The following SKAP1 variants were observed in gnomAD, a reference collection of about 807,000 sequenced individuals.
The protein encoded by SKAP1 is src kinase associated phosphoprotein 1.
SKAP1 carries 44 observed loss-of-function variants against 58.5 expected under a neutral mutation model. That is an observed-to-expected ratio of 0.75 (90% confidence interval 0.59 to 0.97). The LOEUF is 0.97. SKAP1 is among the 50% of genes least tolerant of loss of function. SKAP1 has a pLI of 0.00. For missense variants in SKAP1, 390 were observed against 435.2 expected (o/e 0.90, Z 0.92); for synonymous variants, 127 against 149.7 (o/e 0.85, Z 1.11).
At chr17:48,357,152 T>A (rs575068017) in intron 3 of SKAP1, among the ~76,000 whole-genome samples, 1 of 152,284 alleles carries the variant, frequency 6.6e-6, no homozygotes, top group African/African-American at 2.4e-5. Flanking sequence ...CATAATACAT[T>A]GTATAGGGAA....
At position 48,371,351 on chromosome 17, in the gene SKAP1, G is replaced by A. The variant is rs144315058; in HGVS notation, c.153-7537C>T. Among the ~76,000 whole-genome samples the A allele has an allele frequency of 5.0e-4, 76 of 152,240 alleles. 1 individual carries two copies. Among genetic ancestry groups the A allele is most frequent in the Admixed American group, 1.3e-3 (20 of 15,302 alleles). ...GGCTTCTGCTGAAAATAGGGCTACT[G>A]AATCTAAATCAACAGATTGCAAGGG... On this transcript the variant is annotated intron_variant, in intron 2 of 12. Transcript: ENST00000336915.
intron 1 of SKAP1, among the ~76,000 whole-genome samples, chr17:48,403,052 A>G (rs2067521002): frequency 6.6e-6 from 1 of 152,160 alleles, no homozygotes; most frequent in Non-Finnish European, 1.5e-5. Flanking sequence ...TGTGAGTTGT[A>G]TAGTATGTGA....
chr17:48,312,548 A>G (rs1209869738), intron 4 of SKAP1, among the ~76,000 whole-genome samples: 1 of 152,190 alleles, frequency 6.6e-6, no homozygotes, highest in Non-Finnish European at 1.5e-5. Flanking sequence ...GGTAAAGAAA[A>G]GATTTGAGGG....
At chr17:48,297,225 C>A (rs1159921421) in intron 4 of SKAP1, among the ~76,000 whole-genome samples, 1 of 152,114 alleles carries the variant, frequency 6.6e-6, no homozygotes, top group Non-Finnish European at 1.5e-5. Context: ...CCCTGGTTAA[C>A]ATGGTTATTT....
chr17:48,204,984 TC>T (rs2064781817), intron 4 of SKAP1, among the ~76,000 whole-genome samples: 1 of 45,904 alleles, frequency 2.2e-5, no homozygotes, highest in African/African-American at 1.2e-4. Flanking sequence ...TTTCTTTCTT[TC>T]TTTCTTTCTT....
At chr17:48,242,008 T>C (rs2065248039) in intron 4 of SKAP1, among the ~76,000 whole-genome samples, 1 of 152,212 alleles carries the variant, frequency 6.6e-6, no homozygotes, top group Admixed American at 6.5e-5. Flanking sequence ...AAGGGGTTAA[T>C]GAGGTTGAGT....
chr17:48,261,337 T>C (rs1278989748), intron 4 of SKAP1, among the ~76,000 whole-genome samples: 2 of 152,174 alleles, frequency 1.3e-5, no homozygotes, highest in Non-Finnish European at 2.9e-5. Context: ...TAGAGCCTTA[T>C]AAAGCCTTAA....
intron 4 of SKAP1, among the ~76,000 whole-genome samples, chr17:48,300,847 T>G (rs1899523947): frequency 6.6e-6 from 1 of 152,234 alleles, no homozygotes; most frequent in African/African-American, 2.4e-5. Flanking sequence ...TTACTCTTAG[T>G]AAATGGCTTT....
intron 4 of SKAP1, among the ~76,000 whole-genome samples, chr17:48,306,347 A>C (rs2066141951): frequency 6.6e-6 from 1 of 152,212 alleles, no homozygotes; most frequent in African/African-American, 2.4e-5. Flanking sequence ...AACCTCCCAC[A>C]CCTAGAATGT....
At chr17:48,351,486 T>C (rs1035777096) in intron 3 of SKAP1, among the ~76,000 whole-genome samples, 1 of 152,162 alleles carries the variant, frequency 6.6e-6, no homozygotes, top group Non-Finnish European at 1.5e-5. Flanking sequence ...ATATTCCTTT[T>C]TTCCCCCCAA....
chr17:48,243,807 AGGACTATCAACC>A (rs1332475216), intron 4 of SKAP1, among the ~76,000 whole-genome samples: 1 of 152,162 alleles, frequency 6.6e-6, no homozygotes, highest in African/African-American at 2.4e-5. Flanking sequence ...TACCTCACAA[AGGACTATCAACC>A]TATCTGCAGA....
intron 4 of SKAP1, among the ~76,000 whole-genome samples, chr17:48,324,749 A>G (rs1567868516): frequency 6.6e-6 from 1 of 152,122 alleles, no homozygotes. Flanking sequence ...CTTGAATTAC[A>G]TTCCTAAAAG....
chr17:48,416,249 T>G (rs2067730345), intron 1 of SKAP1, among the ~76,000 whole-genome samples: 1 of 152,186 alleles, frequency 6.6e-6, no homozygotes, highest in African/African-American at 2.4e-5. Context: ...TTCCTTTATC[T>G]TGCAGACACT....
chr17:48,282,811 C>A (rs2065783817), intron 4 of SKAP1, among the ~76,000 whole-genome samples: 1 of 151,978 alleles, frequency 6.6e-6, no homozygotes, highest in South Asian at 2.1e-4. Context: ...AAAGAAACTG[C>A]CCTTTTTTTT....
At chr17:48,332,110 T>A (rs1470023576) in intron 4 of SKAP1, among the ~76,000 whole-genome samples, 1 of 152,102 alleles carries the variant, frequency 6.6e-6, no homozygotes, top group Non-Finnish European at 1.5e-5. Context: ...AAAGCACTTT[T>A]AAAAAATAAT....
At chr17:48,398,639 T>C (rs1241951995) in intron 1 of SKAP1, among the ~76,000 whole-genome samples, 1 of 152,134 alleles carries the variant, frequency 6.6e-6, no homozygotes, top group Non-Finnish European at 1.5e-5. Context: ...TGAATTTATA[T>C]AGTTGGATAA....
At chr17:48,188,107 CTCAG>C (rs2064484109) in intron 5 of SKAP1, among the ~76,000 whole-genome samples, 181 bp from the exon 6 acceptor site, 1 of 152,232 alleles carries the variant, frequency 6.6e-6, no homozygotes, top group South Asian at 2.1e-4. Context: ...AGGGGACTAG[CTCAG>C]TCAAAGGTCC....
chr17:48,295,895 G>T (rs755895512), intron 4 of SKAP1, among the ~76,000 whole-genome samples: 1 of 151,594 alleles, frequency 6.6e-6, no homozygotes, highest in Non-Finnish European at 1.5e-5. Context: ...GTGTCTATGT[G>T]TATATACTAT....
intron 4 of SKAP1, among the ~76,000 whole-genome samples, chr17:48,326,298 T>C (rs2066436240): frequency 6.6e-6 from 1 of 152,216 alleles, no homozygotes; most frequent in Non-Finnish European, 1.5e-5. Context: ...TCTGTCAAAA[T>C]CTTCCTGCCT....
Sources: gnomAD v4.1 joint callset for allele counts (sites outside exome capture counted in the v4.1 genomes callset) on GRCh38, gnomAD v4.1.1 for gene constraint, MANE v1.5 for transcripts, NCBI Gene and HGNC (gene_info 2026-07-23, HGNC 2026-07-21) for gene names.